The following EIF4E3 variants were observed in gnomAD, a reference collection of about 807,000 sequenced individuals.
EIF4E3 encodes the protein eukaryotic translation initiation factor 4E family member 3.
In EIF4E3, 26 loss-of-function variants were observed where a neutral mutation model predicts 31.7. The observed-to-expected ratio is 0.82, with a 90% confidence interval of 0.60 to 1.14. The LOEUF (loss-of-function observed/expected upper bound fraction) is 1.14. EIF4E3 is among the 50% of genes most tolerant of loss of function. The probability of loss-of-function intolerance (pLI) is 0.00; values close to 1 mark genes in which losing one functional copy is unlikely to be tolerated. For missense variants in EIF4E3, 304 were observed against 270.9 expected (o/e 1.12, Z -0.86); for synonymous variants, 128 against 107.7 (o/e 1.19, Z -1.17).
At position 71,683,846 on chromosome 3, in the gene EIF4E3, C is replaced by T. The variant is rs1037476571; in HGVS notation, c.*836G>A. 6.6e-6 allele frequency: 1 copy of T among 152,152 alleles called. No homozygotes were observed. Among genetic ancestry groups the T allele is most frequent in the Non-Finnish European group, 1.5e-5 (1 of 68,030 alleles). 9.4% of individuals were successfully genotyped at this position (152,152 alleles called of 1,614,324 possible). ...TTAATTCAAACAATTAAAATATCAC[C>T]TTCTCTTTAAATCAGAAACATCAGG... On this transcript the variant is annotated 3_prime_UTR_variant, in exon 7 of 7. Transcript: ENST00000425534.
chr3:71,702,102 T>C (rs1346508616), intron 2 of EIF4E3, among the ~76,000 whole-genome samples: 1 of 152,202 alleles, frequency 6.6e-6, no homozygotes, highest in Non-Finnish European at 1.5e-5. Context: ...GATACTACTA[T>C]ATGTTTTTGA....
chr3:71,694,064 T>C (rs762024139), intron 4 of EIF4E3, 123 bp from the exon 5 acceptor site: 2 of 917,334 alleles, frequency 2.2e-6, no homozygotes, highest in Non-Finnish European at 3.1e-6. Context: ...TGCCCATACT[T>C]GGAGTCCACA....
At chr3:71,715,986 C>G (rs944739054) in intron 1 of EIF4E3, among the ~76,000 whole-genome samples, 1 of 152,132 alleles carries the variant, frequency 6.6e-6, no homozygotes, top group Admixed American at 6.6e-5. Flanking sequence ...CCAGTAATAA[C>G]TGAGCAGTCA....
chr3:71,720,901 T>C (rs1179854309), intron 1 of EIF4E3, among the ~76,000 whole-genome samples: 1 of 152,024 alleles, frequency 6.6e-6, no homozygotes, highest in Non-Finnish European at 1.5e-5. Context: ...ATTAACAGTA[T>C]GAAATATAGA....
At chr3:71,739,513 T>C (rs2049798636) in intron 1 of EIF4E3, among the ~76,000 whole-genome samples, 1 of 152,026 alleles carries the variant, frequency 6.6e-6, no homozygotes, top group South Asian at 2.1e-4. Context: ...CTGGGCAACA[T>C]GGTGAAACCC....
chr3:71,710,370 C>A, intron 2 of EIF4E3, 42 bp downstream of exon 2: 1 of 1,538,464 alleles, frequency 6.5e-7, no homozygotes, highest in Non-Finnish European at 8.8e-7. Context: ...AGGTGTCTGA[C>A]GTGTGCCGTG....
At chr3:71,685,370 A>AT (rs1356701313) in intron 6 of EIF4E3, among the ~76,000 whole-genome samples, 1 of 152,070 alleles carries the variant, frequency 6.6e-6, no homozygotes, top group African/African-American at 2.4e-5. Flanking sequence ...ATATATATAT[A>AT]TTTTTTTGAG....
upstream of EIF4E3, chr3:71,725,431 C>T (rs2049622049): frequency 7.6e-6 from 7 of 924,918 alleles, no homozygotes; most frequent in Non-Finnish European, 8.9e-6. The surrounding 1 kb of genome is among the most constrained non-coding windows in gnomAD (Gnocchi z 6.1). Context: ...GGCTGAGTCA[C>T]CCCCGGCCCC....
intron 3 of EIF4E3, among the ~76,000 whole-genome samples, chr3:71,699,260 C>CA (rs1254021544): frequency 7.8e-4 from 118 of 151,728 alleles, no homozygotes; most frequent in African/African-American, 2.6e-3. Context: ...ACAACAACAA[C>CA]AAAAAAAACC....
chr3:71,747,304 T>C (rs2049884096), intron 1 of EIF4E3, among the ~76,000 whole-genome samples: 1 of 152,220 alleles, frequency 6.6e-6, no homozygotes, highest in South Asian at 2.1e-4. Flanking sequence ...ATCATCTACA[T>C]TTTTGATAAT....
At chr3:71,668,655 C>G in the EIF4E3 span, among the ~76,000 whole-genome samples, 12 of 152,148 alleles carry the variant, frequency 7.9e-5, no homozygotes, top group South Asian at 2.1e-4. Context: ...AGCTCATCAT[C>G]ATTGGTGATT....
rs2048920583 is a variant in EIF4E3 at position 71,681,390 on chromosome 3, G to T, written c.*3292C>A. 2 of 152,316 alleles carry T rather than the reference G, an allele frequency of 1.3e-5. No individual in the cohort carries two copies. The highest frequency in any genetic ancestry group is 3.9e-4 in the East Asian group (2 of 5,182). The allele number at this position is 152,316 out of a possible 1,614,324, so 9.4% of individuals were successfully genotyped here. On this transcript the variant is annotated 3_prime_UTR_variant, in exon 7 of 7. Coordinates refer to ENST00000425534, the MANE Select transcript of EIF4E3 (RefSeq NM_001134651.2). ...AGACACAAGCTGGGATCCTCTAAGA[G>T]TTGGGCAACTAATAGCAAAAGCCCA...
chr3:71,728,508 G>A (rs1332062762), upstream of EIF4E3: 4 of 152,604 alleles, frequency 2.6e-5, no homozygotes, highest in African/African-American at 7.2e-5. Flanking sequence ...TGACAGAGGC[G>A]GGACTAGAAC....
chr3:71,665,334 C>A, the EIF4E3 span, among the ~76,000 whole-genome samples: 2 of 152,196 alleles, frequency 1.3e-5, no homozygotes, highest in African/African-American at 4.8e-5. Flanking sequence ...CCACAGTGAT[C>A]CCATGAAAGC....
chr3:71,663,089 C>T, the EIF4E3 span, among the ~76,000 whole-genome samples: 1 of 152,134 alleles, frequency 6.6e-6, no homozygotes, highest in Non-Finnish European at 1.5e-5. Flanking sequence ...AAATACTTCA[C>T]TATTGCCAAG....
chr3:71,691,009 T>G (rs1484416370), intron 5 of EIF4E3, among the ~76,000 whole-genome samples: 1 of 152,138 alleles, frequency 6.6e-6, no homozygotes, highest in Non-Finnish European at 1.5e-5. Context: ...GATAGTAAGG[T>G]GTTATACTGT....
chr3:71,734,979 G>T (rs2049746460), intron 1 of EIF4E3, among the ~76,000 whole-genome samples: 2 of 152,150 alleles, frequency 1.3e-5, no homozygotes, highest in African/African-American at 2.4e-5. Context: ...CCCCAGGCTG[G>T]AATGAAATTA....
chr3:71,725,826 T>G (rs919401418), upstream of EIF4E3, among the ~76,000 whole-genome samples: 9 of 151,000 alleles, frequency 6.0e-5, no homozygotes, highest in African/African-American at 2.2e-4. The surrounding 1 kb of genome is among the most constrained non-coding windows in gnomAD (Gnocchi z 6.1). Context: ...ACCCACGTGG[T>G]GCGAGGGAAG....
In EIF4E3 at chr3:71,695,830, C is replaced by T. The variant is rs556425818; in HGVS notation, c.405+630G>A. ...TTAGTTTCCCAGGGCTTAAGATAAC[C>T]GATTTTAATGTTCACGTTCATTTCC... On this transcript the variant is annotated intron_variant, in intron 4 of 6. Coordinates refer to ENST00000425534, the MANE Select transcript of EIF4E3 (RefSeq NM_001134651.2). 5.3e-5 allele frequency among the ~76,000 whole-genome samples: 8 copies of T among 152,248 alleles called. No individual in the cohort carries two copies. In the South Asian group the frequency reaches 1.0e-3, roughly 20 times the overall value.
Sources: allele counts gnomAD v4.1 joint callset (sites outside exome capture counted in the v4.1 genomes callset), GRCh38; gene constraint gnomAD v4.1.1; non-coding constraint Gnocchi (gnomAD v3.1); transcripts MANE v1.5; gene names NCBI Gene and HGNC (gene_info 2026-07-23, HGNC 2026-07-21).